The following NFASC variants were observed in gnomAD, a reference collection of about 807,000 sequenced individuals.
NFASC encodes the protein neurofascin.
A neutral mutation model predicts 147.5 loss-of-function variants in NFASC; 43 were observed. The observed-to-expected ratio is 0.29, with a 90% confidence interval of 0.23 to 0.38. NFASC has a LOEUF of 0.38. NFASC is among the 10% of genes least tolerant of loss of function. The pLI, the probability that NFASC is intolerant of heterozygous loss-of-function variation, is 1.00. For synonymous variants in NFASC, 622 were observed against 665.5 expected, an observed-to-expected ratio of 0.93 and a Z score of 1.01; for missense variants, 1,320 against 1,689.0, an observed-to-expected ratio of 0.78 and a Z score of 3.83.
At chr1:204,990,662 G>T (rs1330431271) in intron 23 of NFASC, 1 of 152,296 alleles carries the variant, frequency 6.6e-6, no homozygotes, top group Non-Finnish European at 1.5e-5. Flanking sequence ...GGAAGAATTG[G>T]AGTGACGGAA....
In NFASC at chr1:204,987,663, G is replaced by A. The variant is rs2095643624; in HGVS notation, c.2593+123G>A. 1 of 1,122,528 alleles carries A rather than the reference G, an allele frequency of 8.9e-7. No individual in the cohort carries two copies. The highest frequency in any genetic ancestry group is 1.3e-6 in the Non-Finnish European group (1 of 767,172). 69.5% of individuals were successfully genotyped at this position (1,122,528 alleles called of 1,614,324 possible). A position where few individuals can be genotyped will look rare whatever the true frequency, so the allele number is the denominator to read the frequency against. ...GCAGATGGCATTGTGGAGGGATGGA[G>A]GGGCCAACGAAACAGTTCCCAATAG... is the stretch of plus-strand genomic sequence containing the variant. On this transcript the variant is annotated intron_variant, in intron 22 of 29. Coordinates refer to ENST00000339876, the MANE Select transcript of NFASC (RefSeq NM_001005388.3). The surrounding 1 kb of genome is among the most constrained non-coding windows in gnomAD (Gnocchi z 4.4).
intron 1 of NFASC, among the ~76,000 whole-genome samples, chr1:204,863,742 G>GGAGCCT (rs1487801384): frequency 6.6e-6 from 1 of 151,780 alleles, no homozygotes; most frequent in Non-Finnish European, 1.5e-5. Flanking sequence ...CCACTACTCG[G>GGAGCCT]GAGCCTGAGC....
Position 204,982,016 on chromosome 1 carries a change from A to G in NFASC, c.2466A>G (p.Glu822=). The G allele has an allele frequency of 1.0e-5, 16 of 1,563,532 alleles. No homozygotes were observed. The highest frequency in any genetic ancestry group is 1.4e-5 in the Non-Finnish European group (16 of 1,153,732). Residue 822 remains glutamate (E), a synonymous_variant, in exon 21 of 30, where the codon GAA becomes GAG. Transcript: ENST00000339876. The part of the protein sequence containing the change: ...EPESVIGYSG[E]DLPSAPRRFR... ...AGTCCGTCATCGGTTACTCCGGAGA[A>G]GATTGTGAGTAGTCTCCTCCCCGTC... is the stretch of plus-strand genomic sequence containing the variant.
chr1:204,981,128 A>G (rs113973215), intron 20 of NFASC, among the ~76,000 whole-genome samples: 1,964 of 152,346 alleles, frequency 0.013, 41 homozygotes, highest in African/African-American at 0.045. Flanking sequence ...GTTTGGGATC[A>G]TGACCTTCCC....
chr1:204,937,510 T>C (rs2092969116), intron 2 of NFASC, among the ~76,000 whole-genome samples: 1 of 152,204 alleles, frequency 6.6e-6, no homozygotes, highest in Non-Finnish European at 1.5e-5. Flanking sequence ...AGTGTCTCTA[T>C]AGTTTTGCCT....
chr1:204,950,574 C>T lies in NFASC; in HGVS notation c.109C>T (p.Leu37=), dbSNP rs375286397. 1.1e-5 allele frequency: 17 copies of T among 1,612,272 alleles called. No homozygotes were observed. In the African/African-American group the frequency reaches 1.9e-4, roughly 18 times the overall value. ...IPMDPSIQNE[L]TQPPTITKQS... is the part of the protein sequence containing the mutation. The stretch of plus-strand genomic sequence containing the variant: ...ACTAACAGCAAGCATTCAGAATGAG[C>T]GTAAGTGCCCTGTGTGCCTCTCTGT... Residue 37 remains leucine (L), a splice_region_variant and synonymous_variant, in exon 4 of 30, where the codon CTG becomes TTG. Transcript: ENST00000339876.
chr1:204,843,767 G>A (rs555962772), intron 1 of NFASC, among the ~76,000 whole-genome samples: 2 of 151,776 alleles, frequency 1.3e-5, no homozygotes, highest in South Asian at 4.2e-4. Context: ...AGTGCAAAGG[G>A]GTGATCTCGG....
At chr1:204,943,003 A>G (rs2093466026) in intron 2 of NFASC, among the ~76,000 whole-genome samples, 1 of 152,192 alleles carries the variant, frequency 6.6e-6, no homozygotes, top group African/African-American at 2.4e-5. Flanking sequence ...TCCTGTTCTT[A>G]TCTTCTGCAC....
chr1:204,954,969 G>A lies in NFASC; in HGVS notation c.535+18G>A, dbSNP rs1051533740. ...GAGCAGCTGTGAGTCTTGGGGGCCT[G>A]GTGTTGTGTTTATATCTTAACCTTA... On this transcript the variant is annotated intron_variant, in intron 7 of 29. Transcript: ENST00000339876. This position sits in a 1 kb window ranked among gnomAD's most constrained non-coding sequence, Gnocchi z 5.7. 6.2e-7 allele frequency: 1 copy of A among 1,613,926 alleles called. No homozygotes were observed. Among genetic ancestry groups the A allele is most frequent in the East Asian group, 2.2e-5 (1 of 44,850 alleles).
chr1:204,917,909 G>A (rs1249404981), intron 1 of NFASC, among the ~76,000 whole-genome samples: 1 of 152,156 alleles, frequency 6.6e-6, no homozygotes, highest in Non-Finnish European at 1.5e-5. Context: ...ATTCTGACTA[G>A]GATGGTCATT....
intron 1 of NFASC, among the ~76,000 whole-genome samples, chr1:204,902,993 G>A (rs1183361010): frequency 6.6e-6 from 1 of 152,180 alleles, no homozygotes; most frequent in East Asian, 1.9e-4. Context: ...CCAGAGTTCT[G>A]AGTTTAGCCA....
chr1:204,976,471 C>G (rs919564876), intron 15 of NFASC, among the ~76,000 whole-genome samples, 200 bp from the exon 16 acceptor site: 1 of 152,202 alleles, frequency 6.6e-6, no homozygotes, highest in Non-Finnish European at 1.5e-5. Context: ...ACTCTCTGTT[C>G]CCCTCCATCA....
chr1:204,981,356 G>A (rs889791420), intron 20 of NFASC, among the ~76,000 whole-genome samples: 25 of 152,246 alleles, frequency 1.6e-4, no homozygotes, highest in Admixed American at 9.2e-4. Context: ...ACACAAATTC[G>A]GTAGAACTAA....
chr1:205,002,842 A>T, intron 27 of NFASC, 94 bp downstream of exon 27: 1 of 998,898 alleles, frequency 1.0e-6, no homozygotes, highest in Non-Finnish European at 1.4e-6. Context: ...CGGAAAGAAG[A>T]CTCATCCCCC....
At chr1:205,009,467 T>C (rs2096209058) in intron 27 of NFASC, 90 bp from the exon 28 acceptor site, 1 of 1,334,648 alleles carries the variant, frequency 7.5e-7, no homozygotes, top group East Asian at 2.3e-5. Flanking sequence ...AACATCCACA[T>C]GAGATAGCTG....
At chr1:204,973,773 T>C (rs1385065729) in intron 12 of NFASC, among the ~76,000 whole-genome samples, 4 of 152,152 alleles carry the variant, frequency 2.6e-5, no homozygotes, top group African/African-American at 9.7e-5. Context: ...ATCGCCTTGG[T>C]GTATCCATGT....
intron 1 of NFASC, among the ~76,000 whole-genome samples, chr1:204,905,579 T>C (rs992439728): frequency 1.3e-5 from 2 of 152,218 alleles, no homozygotes; most frequent in African/African-American, 4.8e-5. Flanking sequence ...AATCCTGTTT[T>C]CTTTTTTCTC....
intron 27 of NFASC, among the ~76,000 whole-genome samples, chr1:205,003,338 G>A (rs2096035371): frequency 6.6e-6 from 1 of 152,204 alleles, no homozygotes; most frequent in Admixed American, 6.5e-5. Context: ...AGGGAGAGGG[G>A]AAGAAGCTCT....
chr1:205,009,805 C>G (rs895912018), intron 28 of NFASC, 117 bp downstream of exon 28: 202 of 1,111,800 alleles, frequency 1.8e-4, no homozygotes, highest in Non-Finnish European at 2.4e-4. Flanking sequence ...AGCCCTTGCC[C>G]GGATTGGAAA....
Sources: allele counts gnomAD v4.1 joint callset (sites outside exome capture counted in the v4.1 genomes callset), GRCh38; gene constraint gnomAD v4.1.1; non-coding constraint Gnocchi (gnomAD v3.1); transcripts MANE v1.5; gene names NCBI Gene and HGNC (gene_info 2026-07-23, HGNC 2026-07-21).